Variants in KCND2 observed in about 807,000 individuals in gnomAD.
KCND2 encodes potassium voltage-gated channel subfamily D member 2, also known as A-type voltage-gated potassium channel KCND2.
In KCND2, 16 loss-of-function variants were observed where a neutral mutation model predicts 54.4. That is an observed-to-expected ratio of 0.29 (90% confidence interval 0.20 to 0.45). The LOEUF (loss-of-function observed/expected upper bound fraction) is 0.45, where lower values mean the gene tolerates loss of function less well. KCND2 is among the 20% of genes least tolerant of loss of function. The probability of loss-of-function intolerance (pLI) is 1.00; values close to 1 mark genes in which losing one functional copy is unlikely to be tolerated. For missense variants in KCND2, 486 were observed against 824.2 expected, an observed-to-expected ratio of 0.59 and a Z score of 5.02; for synonymous variants, 317 against 310.7, an observed-to-expected ratio of 1.02 and a Z score of -0.21.
chr7:120,377,770 C>T (rs1800855868), intron 1 of KCND2, among the ~76,000 whole-genome samples: 1 of 151,874 alleles, frequency 6.6e-6, no homozygotes, highest in Non-Finnish European at 1.5e-5. Context: ...CATAGGTTGG[C>T]ACATGCTCTC....
intron 1 of KCND2, among the ~76,000 whole-genome samples, chr7:120,611,521 G>C (rs1370480914): frequency 2.0e-5 from 3 of 152,118 alleles, no homozygotes; most frequent in Non-Finnish European, 2.9e-5. Flanking sequence ...TTAGAGTAGG[G>C]GTGAAGGGTG....
intron 1 of KCND2, among the ~76,000 whole-genome samples, chr7:120,530,950 G>A (rs1312740122): frequency 6.6e-6 from 1 of 151,906 alleles, no homozygotes; most frequent in African/African-American, 2.4e-5. Context: ...CCTCCCTCAT[G>A]TTCTTTGCCT....
intron 1 of KCND2, among the ~76,000 whole-genome samples, chr7:120,655,198 T>C (rs1183186134): frequency 1.3e-5 from 2 of 152,078 alleles, no homozygotes; most frequent in Non-Finnish European, 2.9e-5. Flanking sequence ...AATTTACTTT[T>C]TCCCCCAGGA....
intron 1 of KCND2, among the ~76,000 whole-genome samples, chr7:120,410,247 A>G (rs1190663004): frequency 6.6e-6 from 1 of 151,948 alleles, no homozygotes; most frequent in Non-Finnish European, 1.5e-5. Flanking sequence ...ATCAGTCTAT[A>G]TGCCTGTCTT....
chr7:120,712,241 ATTTTTTTTTTTTTTTTTTTTTTT>A (rs869059871), intron 1 of KCND2, among the ~76,000 whole-genome samples: 14 of 34,784 alleles, frequency 4.0e-4, no homozygotes, highest in South Asian at 2.0e-3. Flanking sequence ...GGATATCTGA[ATTTTTTTTTTTTTTTTTTTTTTT>A]TTTTTTTTTT....
At chr7:120,643,522 A>C in intron 1 of KCND2, among the ~76,000 whole-genome samples, 1 of 152,106 alleles carries the variant, frequency 6.6e-6, no homozygotes. Flanking sequence ...AATGTTTATG[A>C]GGGATTTTAA....
intron 1 of KCND2, among the ~76,000 whole-genome samples, chr7:120,704,633 G>T (rs1792443586): frequency 6.6e-6 from 1 of 152,130 alleles, no homozygotes; most frequent in South Asian, 2.1e-4. Flanking sequence ...AATAACAAGG[G>T]AATAATATGA....
intron 2 of KCND2, among the ~76,000 whole-genome samples, chr7:120,737,611 C>T (rs911221237): frequency 1.3e-5 from 2 of 152,032 alleles, no homozygotes; most frequent in African/African-American, 4.8e-5. Flanking sequence ...TTGGTACTAA[C>T]TTGTCTCATT....
At chr7:120,718,831 G>C (rs1562919212) in intron 1 of KCND2, among the ~76,000 whole-genome samples, 1 of 152,238 alleles carries the variant, frequency 6.6e-6, no homozygotes, top group African/African-American at 2.4e-5. Context: ...TTTTCAGGAG[G>C]AGTTAGATCC....
chr7:120,630,395 C>T (rs1793218855), intron 1 of KCND2, among the ~76,000 whole-genome samples: 1 of 152,018 alleles, frequency 6.6e-6, no homozygotes, highest in African/African-American at 2.4e-5. Flanking sequence ...CCTTTTTTCC[C>T]CCAAACTATT....
intron 1 of KCND2, among the ~76,000 whole-genome samples, chr7:120,611,217 G>A (rs1198419307): frequency 6.6e-6 from 1 of 152,138 alleles, no homozygotes; most frequent in African/African-American, 2.4e-5. Flanking sequence ...TGCAGATATT[G>A]TTTAATTATT....
chr7:120,656,579 G>A (rs192422581), intron 1 of KCND2, among the ~76,000 whole-genome samples: 193 of 152,280 alleles, frequency 1.3e-3, no homozygotes, highest in African/African-American at 4.5e-3. Context: ...GAATAATGAA[G>A]TAATTTTATA....
chr7:120,525,067 T>A (rs547259479), intron 1 of KCND2, among the ~76,000 whole-genome samples: 1 of 152,304 alleles, frequency 6.6e-6, no homozygotes, highest in East Asian at 1.9e-4. Context: ...TATTTTAGCC[T>A]AAATAACTTC....
chr7:120,443,950 C>T (rs1482224902), intron 1 of KCND2, among the ~76,000 whole-genome samples: 2 of 152,002 alleles, frequency 1.3e-5, no homozygotes, highest in African/African-American at 4.8e-5. Flanking sequence ...TGCTTTACTC[C>T]CCTTCAAGAT....
chr7:120,743,172 G>C (rs150878967), intron 4 of KCND2, among the ~76,000 whole-genome samples: 22 of 152,254 alleles, frequency 1.4e-4, no homozygotes, highest in African/African-American at 5.3e-4. Context: ...ACAAGCTCTT[G>C]TTTGGACCTC....
At chr7:120,446,310 T>A (rs1275546854) in intron 1 of KCND2, among the ~76,000 whole-genome samples, 3 of 152,210 alleles carry the variant, frequency 2.0e-5, no homozygotes, top group African/African-American at 4.8e-5. Flanking sequence ...ATAAATCATA[T>A]GCATCTTAAG....
At chr7:120,388,059 A>G (rs561303271) in intron 1 of KCND2, among the ~76,000 whole-genome samples, 1 of 152,176 alleles carries the variant, frequency 6.6e-6, no homozygotes, top group Middle Eastern at 3.4e-3. Flanking sequence ...AAATTGATCT[A>G]TTGAGTCAAT....
At chr7:120,393,178 A>C (rs1298699704) in intron 1 of KCND2, among the ~76,000 whole-genome samples, 1 of 151,982 alleles carries the variant, frequency 6.6e-6, no homozygotes, top group Non-Finnish European at 1.5e-5. Flanking sequence ...AAACTGTGTG[A>C]CCTTGGGACA....
chr7:120,356,585 A>C (rs554831000), intron 1 of KCND2, among the ~76,000 whole-genome samples: 3 of 152,152 alleles, frequency 2.0e-5, no homozygotes, highest in African/African-American at 7.2e-5. Flanking sequence ...AGTCTGGCCC[A>C]CTGTTGGGGT....
Sources: allele counts gnomAD v4.1 joint callset (sites outside exome capture counted in the v4.1 genomes callset), GRCh38; gene constraint gnomAD v4.1.1; transcripts MANE v1.5; gene names NCBI Gene and HGNC (gene_info 2026-07-23, HGNC 2026-07-21).